The following MATK variants were observed in gnomAD, a reference collection of about 807,000 sequenced individuals.
The protein encoded by MATK is megakaryocyte-associated tyrosine-protein kinase.
Under a neutral mutation model 59.8 loss-of-function variants are expected in MATK, and 41 were observed. The observed-to-expected ratio is 0.69, with a 90% CI of 0.53 to 0.89. The LOEUF is 0.89. MATK is among the 40% of genes least tolerant of loss of function. The pLI, the probability that MATK is intolerant of heterozygous loss-of-function variation, is 0.00. For synonymous variants in MATK, 308 were observed against 306.1 expected, an observed-to-expected ratio of 1.01 and a Z score of -0.06; for missense variants, 593 against 719.6, an observed-to-expected ratio of 0.82 and a Z score of 2.01.
intron 8 of MATK, among the ~76,000 whole-genome samples, chr19:3,781,336 CCAAA>C (rs1255239937): frequency 2.6e-5 from 4 of 152,088 alleles, no homozygotes; most frequent in Non-Finnish European, 2.9e-5. Flanking sequence ...TTCAAACATT[CCAAA>C]CAGTGGGACT....
intron 1 of MATK, chr19:3,793,509 C>T (rs1290001852): frequency 6.6e-6 from 1 of 152,228 alleles, no homozygotes; most frequent in Non-Finnish European, 1.5e-5. Context: ...CGAGATCATT[C>T]TGGCTAACAT....
intron 4 of MATK, 35 bp from the exon 5 acceptor site, chr19:3,784,274 G>T (rs781414706): frequency 3.8e-6 from 6 of 1,599,520 alleles, no homozygotes; most frequent in African/African-American, 2.7e-5. Context: ...AGTGTGGGGG[G>T]TGTGGGGGTG....
At chr19:3,788,575 C>T (rs1421032632), upstream of MATK, among the ~76,000 whole-genome samples, 25 of 145,096 alleles carry the variant, frequency 1.7e-4, no homozygotes, top group South Asian at 1.1e-3. Flanking sequence ...GCCAAGATCG[C>T]GCCACTGCAC....
intron 6 of MATK, 30 bp from the exon 7 acceptor site, chr19:3,783,249 A>C (rs377690440): frequency 3.7e-4 from 480 of 1,300,116 alleles, no homozygotes; most frequent in Middle Eastern, 8.6e-4. Flanking sequence ...CCATGAGCCC[A>C]GCCCCAGGGA....
At position 3,784,832 on chromosome 19, in the gene MATK, A is replaced by T; in HGVS notation, c.125T>A (p.Met42Lys). 6.4e-7 allele frequency: 1 copy of T among 1,551,588 alleles called. No homozygotes were observed. Among genetic ancestry groups the T allele is most frequent in the Non-Finnish European group, 8.7e-7 (1 of 1,146,596 alleles). Residue 42 changes from methionine to lysine, a missense_variant, in exon 3 of 14, where the codon ATG becomes AAG. Transcript: ENST00000310132. ...AWHPPPVSAR[M>K]PTRRWAPGTQ... ...CAGGCTAGACACACTCACCGTTGGC[A>T]TCCTGGCTGAGACGGGAGGGGGGTG...
chr19:3,790,327 C>T (rs2037528965), upstream of MATK, among the ~76,000 whole-genome samples: 1 of 152,214 alleles, frequency 6.6e-6, no homozygotes, highest in African/African-American at 2.4e-5. Flanking sequence ...CACCTCTCAT[C>T]CTTGGTGACC....
chr19:3,789,215 G>A, upstream of MATK: 1 of 744,120 alleles, frequency 1.3e-6, no homozygotes, highest in Non-Finnish European at 2.5e-6. Context: ...GCCTGAACTA[G>A]AAGTGTTAAG....
chr19:3,781,485 C>T (rs1035849699), intron 8 of MATK, 122 bp downstream of exon 8: 12 of 1,010,602 alleles, frequency 1.2e-5, no homozygotes, highest in African/African-American at 6.3e-5. Flanking sequence ...AGGATTTGCA[C>T]GTCTTCAGCT....
upstream of MATK, among the ~76,000 whole-genome samples, chr19:3,789,669 C>A (rs532575744): frequency 8.0e-5 from 12 of 149,850 alleles, no homozygotes; most frequent in African/African-American, 2.5e-4. Flanking sequence ...ATCAGAGCCA[C>A]AGAAGGGGTA....
intron 1 of MATK, among the ~76,000 whole-genome samples, chr19:3,792,488 T>C (rs184422586): frequency 6.6e-6 from 1 of 151,374 alleles, no homozygotes; most frequent in African/African-American, 2.4e-5. Context: ...TTCAGCCTTT[T>C]TCAGCACATG....
chr19:3,780,922 T>C (rs2037392653), intron 8 of MATK, among the ~76,000 whole-genome samples: 1 of 147,430 alleles, frequency 6.8e-6, no homozygotes, highest in Admixed American at 6.9e-5. Flanking sequence ...CAGATGGGGG[T>C]CTCGCTACGT....
upstream of MATK, among the ~76,000 whole-genome samples, chr19:3,788,116 T>C (rs1218473814): frequency 6.8e-6 from 1 of 146,486 alleles, no homozygotes; most frequent in Non-Finnish European, 1.5e-5. Flanking sequence ...TATTATATTA[T>C]ATTATATTAT....
chr19:3,789,563 T>C (rs2145109458), upstream of MATK, among the ~76,000 whole-genome samples: 2 of 152,200 alleles, frequency 1.3e-5, no homozygotes, highest in Middle Eastern at 3.4e-3. Context: ...TGTCAAGGGC[T>C]GGCTGGGGCA....
In MATK at chr19:3,785,130, C is replaced by A; in HGVS notation, c.6G>T (p.Ala2=). The part of the protein sequence containing the change: M[A]GRGSLVSWRA... ...GCCAGGAAACCAGAGAGCCTCGCCC[C>A]GCCATCGCCCCCAGAGGGAAACTGA... Residue 2 remains alanine, a synonymous_variant, in exon 2 of 14, where the codon GCG becomes GCT. Transcript: ENST00000310132. 3.1e-6 allele frequency: 5 copies of A among 1,614,086 alleles called. No homozygotes were observed. Among genetic ancestry groups the A allele is most frequent in the Non-Finnish European group, 4.2e-6 (5 of 1,179,988 alleles).
chr19:3,782,438 G>C (rs1212199764), intron 7 of MATK, among the ~76,000 whole-genome samples: 1 of 152,228 alleles, frequency 6.6e-6, no homozygotes, highest in Admixed American at 6.5e-5. Context: ...GTCAGAGGAG[G>C]CATTTGCTTT....
Position 3,780,675 on chromosome 19 carries a change from G to A in MATK, c.743-878C>T, listed in dbSNP as rs1048223030. Among the ~76,000 whole-genome samples, 229 of 147,672 alleles carry A rather than the reference G, an allele frequency of 1.6e-3. 2 individuals carry two copies. The highest frequency in any genetic ancestry group is 5.1e-3 in the African/African-American group (202 of 39,956). Reference sequence around the variant, plus strand: ...TCTCGATCTCATGACCTCGTGATCCGCCCGCCTCAGCCTCCCAAAGTGCTG... The same window carrying A: ...TCTCGATCTCATGACCTCGTGATCCACCCGCCTCAGCCTCCCAAAGTGCTG... On this transcript the variant is annotated intron_variant, in intron 8 of 13. Transcript: ENST00000310132.
At position 3,779,219 on chromosome 19, in the gene MATK, G is replaced by A. The variant is rs1359901192; in HGVS notation, c.1002-32C>T. 1.9e-6 allele frequency: 3 copies of A among 1,553,542 alleles called. No homozygotes were observed. The South Asian group carries it at 3.5e-5, about 18-fold the overall frequency. On this transcript the variant is annotated intron_variant, in intron 11 of 13. Coordinates refer to ENST00000310132, the MANE Select transcript of MATK (RefSeq NM_139355.3). ...GTAGTAGGGGGCAGTGGGGGCTCAG[G>A]TGCCAGGATGCCCACATTCAGGGCT...
intron 1 of MATK, among the ~76,000 whole-genome samples, chr19:3,795,339 C>G (rs1011328830): frequency 6.1e-5 from 9 of 148,214 alleles, no homozygotes; most frequent in African/African-American, 2.2e-4. Flanking sequence ...TTAACGTGAT[C>G]TCGGCTCACT....
At chr19:3,795,276 C>CTT (rs35580481) in intron 1 of MATK, among the ~76,000 whole-genome samples, 45,043 of 127,672 alleles carry the variant, frequency 0.35, 8,499 homozygotes, top group East Asian at 0.53. Context: ...CAAGCCTGGC[C>CTT]TTTTTTTTTT....
Sources: allele counts gnomAD v4.1 joint callset (sites outside exome capture counted in the v4.1 genomes callset), GRCh38; gene constraint gnomAD v4.1.1; transcripts MANE v1.5; gene names NCBI Gene and HGNC (gene_info 2026-07-23, HGNC 2026-07-21).